Variants in NF1 observed in about 807,000 individuals in gnomAD.
NF1 encodes neurofibromin 1.
Under a neutral mutation model 325.7 loss-of-function variants are expected in NF1, and 122 were observed. That is an observed-to-expected ratio of 0.37 (90% confidence interval 0.32 to 0.44). The LOEUF (loss-of-function observed/expected upper bound fraction) is 0.44. Among genes scored for constraint, NF1 ranks in the 20% least tolerant of loss-of-function variants. The pLI is 1.00. For missense variants in NF1, 2,140 were observed against 3,415.4 expected, an observed-to-expected ratio of 0.63 and a Z score of 9.31; for synonymous variants, 1,091 against 1,186.0, an observed-to-expected ratio of 0.92 and a Z score of 1.65.
chr17:31,332,574 G>GTT (rs1289677065), intron 39 of NF1, among the ~76,000 whole-genome samples: 1 of 86,712 alleles, frequency 1.2e-5, no homozygotes, highest in Non-Finnish European at 2.8e-5. Flanking sequence ...ACAGATCATG[G>GTT]TTTTTTTTTT....
chr17:31,327,903 T>A, intron 38 of NF1, 64 bp downstream of exon 38: 1 of 1,452,330 alleles, frequency 6.9e-7, no homozygotes. Context: ...TGAGACCATT[T>A]AATGAATTTT....
chr17:31,181,852 A>G (rs2066143545), intron 7 of NF1, 67 bp downstream of exon 7: 1 of 1,114,904 alleles, frequency 9.0e-7, no homozygotes, highest in Non-Finnish European at 1.3e-6. Context: ...ATAAAAACCT[A>G]TCATCGTTTT....
intron 1 of NF1, among the ~76,000 whole-genome samples, chr17:31,153,778 T>C (rs1004655053): frequency 2.0e-5 from 3 of 151,008 alleles, no homozygotes; most frequent in Non-Finnish European, 3.0e-5. Context: ...CCTAGATTTT[T>C]TTTTTTTTTT....
chr17:31,362,275 A>C, intron 57 of NF1: 1 of 985,042 alleles, frequency 1.0e-6, no homozygotes, highest in South Asian at 4.7e-5. Context: ...CTTAAAATTT[A>C]CTTTTTTTAC....
intron 4 of NF1, among the ~76,000 whole-genome samples, chr17:31,165,295 A>G (rs1192796204): frequency 6.6e-6 from 1 of 152,252 alleles, no homozygotes; most frequent in East Asian, 1.9e-4. Flanking sequence ...AAATTTTATT[A>G]GCTTTCAGAG....
At chr17:31,334,430 C>T (rs2069588221) in intron 39 of NF1, among the ~76,000 whole-genome samples, 1 of 152,082 alleles carries the variant, frequency 6.6e-6, no homozygotes, top group South Asian at 2.1e-4. Context: ...CATAAATGTA[C>T]ATTAACTCTA....
chr17:31,303,601 A>G (rs1395248058), intron 36 of NF1, among the ~76,000 whole-genome samples: 3 of 152,172 alleles, frequency 2.0e-5, no homozygotes, highest in Non-Finnish European at 4.4e-5. Flanking sequence ...AGAAACTTGT[A>G]AAGATGCCAG....
At chr17:31,322,082 G>A (rs2069208898) in intron 36 of NF1, among the ~76,000 whole-genome samples, 1 of 108,398 alleles carries the variant, frequency 9.2e-6, no homozygotes, top group Admixed American at 1.1e-4. Flanking sequence ...TTCGTGTGGT[G>A]TAGTGTGTGT....
chr17:31,293,280 G>C (rs755235281), intron 36 of NF1, among the ~76,000 whole-genome samples: 5 of 150,826 alleles, frequency 3.3e-5, no homozygotes, highest in African/African-American at 4.9e-5. Context: ...TGGTAGAGTA[G>C]GGATTATCTA....
chr17:31,307,726 G>A (rs1447078027), intron 36 of NF1, among the ~76,000 whole-genome samples: 10 of 152,108 alleles, frequency 6.6e-5, no homozygotes. Context: ...CAAACACAAT[G>A]GCAACTATTT....
intron 36 of NF1, among the ~76,000 whole-genome samples, chr17:31,322,241 G>A (rs2069221206): frequency 6.6e-6 from 1 of 152,016 alleles, no homozygotes; most frequent in South Asian, 2.1e-4. Context: ...CACGTTGGGA[G>A]GGTTGACGCA....
intron 36 of NF1, chr17:31,318,057 T>G (rs1324699392): frequency 2.2e-6 from 1 of 449,918 alleles, no homozygotes; most frequent in Admixed American, 4.0e-5. Flanking sequence ...AATTTATCCT[T>G]AAAATTTTCC....
intron 1 of NF1, among the ~76,000 whole-genome samples, chr17:31,150,529 C>G: frequency 6.6e-6 from 1 of 151,966 alleles, no homozygotes; most frequent in East Asian, 1.9e-4. Flanking sequence ...AACTAGAAAC[C>G]TCCTTTCCTC....
rs188000141 is a variant in NF1 at position 31,100,436 on chromosome 17, C to T, written c.60+5067C>T. ...GAAAATGAGTACTCTTTTATGGTGA[C>T]GAATTCTTTATGGTGAGTGAGAAAT... On this transcript the variant is annotated intron_variant, in intron 1 of 57. Coordinates refer to ENST00000358273, the MANE Select transcript of NF1 (RefSeq NM_001042492.3). Among the ~76,000 whole-genome samples the T allele has an allele frequency of 1.2e-4, 19 of 152,082 alleles. No individual in the cohort carries two copies. The East Asian group carries it at 3.5e-3, about 28-fold the overall frequency.
chr17:31,127,070 T>C (rs1914943502), intron 1 of NF1, among the ~76,000 whole-genome samples: 1 of 150,678 alleles, frequency 6.6e-6, no homozygotes, highest in Non-Finnish European at 1.5e-5. Flanking sequence ...TCCTGTGATC[T>C]CAGTGCTTGC....
chr17:31,221,263 G>A (rs1460467657), intron 14 of NF1, among the ~76,000 whole-genome samples: 11 of 151,928 alleles, frequency 7.2e-5, no homozygotes, highest in Non-Finnish European at 1.6e-4. Flanking sequence ...ATTCCCGTTA[G>A]TGTTCTCTGA....
intron 8 of NF1, among the ~76,000 whole-genome samples, chr17:31,192,205 T>C (rs1161937821): frequency 1.3e-5 from 2 of 152,240 alleles, no homozygotes; most frequent in African/African-American, 4.8e-5. Context: ...CTATAAAATA[T>C]TTTAAGAGAT....
chr17:31,192,248 C>T (rs1290144626), intron 8 of NF1, among the ~76,000 whole-genome samples: 3 of 152,152 alleles, frequency 2.0e-5, no homozygotes, highest in Non-Finnish European at 2.9e-5. Context: ...GACCATGGCC[C>T]GTGACACAGC....
intron 36 of NF1, among the ~76,000 whole-genome samples, chr17:31,313,727 TGTGTG>T: frequency 4.1e-5 from 1 of 24,680 alleles, no homozygotes; most frequent in Non-Finnish European, 1.1e-4. Flanking sequence ...AAAATATGTG[TGTGTG>T]TGTGTGTGTG....
Sources: allele counts gnomAD v4.1 joint callset (sites outside exome capture counted in the v4.1 genomes callset), GRCh38; gene constraint gnomAD v4.1.1; transcripts MANE v1.5; gene names NCBI Gene and HGNC (gene_info 2026-07-23, HGNC 2026-07-21).